CCDC3: variants seen among roughly 807,000 people sequenced by gnomAD.
CCDC3 encodes coiled-coil domain containing 3.
A neutral mutation model predicts 21.4 loss-of-function variants in CCDC3; 24 were observed. That is an observed-to-expected ratio of 1.12 (90% CI 0.81 to 1.58). The LOEUF is 1.58. CCDC3 is among the 40% of genes most tolerant of loss of function. The pLI, the probability that CCDC3 is intolerant of heterozygous loss-of-function variation, is 0.00. For missense variants in CCDC3, 425 were observed against 360.9 expected, an observed-to-expected ratio of 1.18 and a Z score of -1.44; for synonymous variants, 186 against 166.0, an observed-to-expected ratio of 1.12 and a Z score of -0.93.
At chr10:13,093,851 A>G (rs1832603421) in intron 3 of CCDC3, among the ~76,000 whole-genome samples, 1 of 152,236 alleles carries the variant, frequency 6.6e-6, no homozygotes, top group Admixed American at 6.5e-5. Flanking sequence ...AGAAGCTAAA[A>G]CTATGTCTAA....
intron 2 of CCDC3, among the ~76,000 whole-genome samples, chr10:12,931,143 G>A (rs375783995): frequency 9.4e-5 from 14 of 149,544 alleles, no homozygotes; most frequent in East Asian, 7.9e-4. Context: ...CCCAGGAGGC[G>A]GAGGTTACAG....
At chr10:13,031,263 T>C (rs911434743) in intron 5 of CCDC3, among the ~76,000 whole-genome samples, 1 of 152,084 alleles carries the variant, frequency 6.6e-6, no homozygotes, top group African/African-American at 2.4e-5. Context: ...AATAACGAAA[T>C]GAAGGCAGAA....
chr10:12,961,497 A>T (rs1406107971), intron 2 of CCDC3, among the ~76,000 whole-genome samples: 1 of 152,212 alleles, frequency 6.6e-6, no homozygotes, highest in Non-Finnish European at 1.5e-5. Flanking sequence ...TATGTCACAA[A>T]TCTATTTACA....
intron 2 of CCDC3, among the ~76,000 whole-genome samples, chr10:12,979,712 G>A (rs900536191): frequency 1.6e-4 from 25 of 152,118 alleles, no homozygotes; most frequent in African/African-American, 5.8e-4. Context: ...AAACACAGAT[G>A]CTCTGGTGAC....
intron 2 of CCDC3, among the ~76,000 whole-genome samples, chr10:12,986,394 AGGGGTGCCT>A (rs1835590868): frequency 6.6e-6 from 1 of 152,184 alleles, no homozygotes; most frequent in African/African-American, 2.4e-5. Flanking sequence ...ACAAGGGGTG[AGGGGTGCCT>A]GGGACCCGTC....
At chr10:13,093,550 A>G (rs922698683) in intron 3 of CCDC3, among the ~76,000 whole-genome samples, 1 of 152,200 alleles carries the variant, frequency 6.6e-6, no homozygotes, top group African/African-American at 2.4e-5. Flanking sequence ...AAAATTGTAT[A>G]CCAAATATAA....
At chr10:13,033,533 C>T (rs1431633433) in intron 5 of CCDC3, among the ~76,000 whole-genome samples, 2 of 152,130 alleles carry the variant, frequency 1.3e-5, no homozygotes, top group South Asian at 2.1e-4. Context: ...GCAAAAGAAA[C>T]TACCATCAGA....
chr10:12,928,494 C>G (rs1834582842), intron 2 of CCDC3, among the ~76,000 whole-genome samples: 1 of 152,190 alleles, frequency 6.6e-6, no homozygotes, highest in Admixed American at 6.5e-5. Flanking sequence ...AGCTCATGAT[C>G]AGTGATCCAT....
At chr10:12,980,764 G>A (rs1835484715) in intron 2 of CCDC3, among the ~76,000 whole-genome samples, 1 of 151,916 alleles carries the variant, frequency 6.6e-6, no homozygotes, top group African/African-American at 2.4e-5. Flanking sequence ...TGGAAAGATG[G>A]TCTACATATT....
intron 4 of CCDC3, among the ~76,000 whole-genome samples, chr10:13,070,615 GT>G (rs1484573733): frequency 6.6e-6 from 1 of 152,168 alleles, no homozygotes; most frequent in African/African-American, 2.4e-5. Flanking sequence ...GAAGAGAGGA[GT>G]TTGCCCAACT....
Position 12,898,239 on chromosome 10 carries a change from T to A in CCDC3, c.*177A>T. The stretch of plus-strand genomic sequence containing the variant: ...AAGGGGCAGCGCGTGGGGTCTGACA[T>A]TGAGGCCAGCACCCAAGGGGAAAGC... On this transcript the variant is annotated 3_prime_UTR_variant, in exon 3 of 3. Transcript: ENST00000378825. 1 of 759,440 alleles carries A rather than the reference T, an allele frequency of 1.3e-6. No individual in the cohort carries two copies. The allele number at this position is 759,440 out of a possible 1,614,324, so 47.0% of individuals were successfully genotyped here.
At chr10:12,996,575 A>AT (rs1471402820) in intron 2 of CCDC3, among the ~76,000 whole-genome samples, 1 of 152,130 alleles carries the variant, frequency 6.6e-6, no homozygotes, top group Non-Finnish European at 1.5e-5. Context: ...ACCTCAGGTG[A>AT]TCCCCCCACC....
chr10:13,091,096 C>T (rs1180518631), intron 3 of CCDC3, among the ~76,000 whole-genome samples: 2 of 148,160 alleles, frequency 1.3e-5, no homozygotes, highest in Middle Eastern at 3.4e-3. Flanking sequence ...TCTGCCCTTC[C>T]ACCTTCTTCT....
intron 2 of CCDC3, among the ~76,000 whole-genome samples, chr10:12,954,037 A>G (rs1234422208): frequency 6.6e-6 from 1 of 152,212 alleles, no homozygotes; most frequent in Non-Finnish European, 1.5e-5. Context: ...AATTTCATAC[A>G]TTTTAATGCA....
At chr10:13,053,168 A>G (rs182708348) in intron 4 of CCDC3, among the ~76,000 whole-genome samples, 1 of 152,320 alleles carries the variant, frequency 6.6e-6, no homozygotes, top group East Asian at 1.9e-4. Context: ...AATGCAAACA[A>G]CTAAAAAGAC....
intron 2 of CCDC3, among the ~76,000 whole-genome samples, chr10:12,951,383 T>C (rs148331293): frequency 1.3e-5 from 2 of 152,160 alleles, no homozygotes; most frequent in African/African-American, 4.8e-5. Context: ...ATTTAAGGAA[T>C]GTTTGACCTA....
At chr10:12,948,095 G>C (rs986871706) in intron 2 of CCDC3, among the ~76,000 whole-genome samples, 3 of 152,122 alleles carry the variant, frequency 2.0e-5, no homozygotes, top group Non-Finnish European at 2.9e-5. Context: ...GCAGGTAACT[G>C]AATCATGGGG....
At chr10:13,055,356 G>C (rs1050808652) in intron 4 of CCDC3, among the ~76,000 whole-genome samples, 1 of 150,982 alleles carries the variant, frequency 6.6e-6, no homozygotes, top group Non-Finnish European at 1.5e-5. Context: ...TTTGTAGACA[G>C]GGTCTCACTC....
At chr10:12,907,591 C>T (rs1834193340) in intron 2 of CCDC3, among the ~76,000 whole-genome samples, 1 of 152,184 alleles carries the variant, frequency 6.6e-6, no homozygotes, top group African/African-American at 2.4e-5. Flanking sequence ...TGGCAGTGAG[C>T]TGAGATCGCA....
Sources: allele counts gnomAD v4.1 joint callset (sites outside exome capture counted in the v4.1 genomes callset), GRCh38; gene constraint gnomAD v4.1.1; transcripts MANE v1.5; gene names NCBI Gene and HGNC (gene_info 2026-07-23, HGNC 2026-07-21).